Variants in PARG observed in about 807,000 individuals in gnomAD.
PARG encodes the protein mitochondrial poly(ADP-ribose) glycohydrolase.
PARG carries 35 observed loss-of-function variants against 113.0 expected under a neutral mutation model. That is an observed-to-expected ratio of 0.31 (90% CI 0.24 to 0.41). The LOEUF is 0.41. PARG is among the 10% of genes least tolerant of loss of function. The pLI is 1.00. For synonymous variants in PARG, 330 were observed against 409.9 expected (o/e 0.81, Z 2.36); for missense variants, 797 against 1,169.4 (o/e 0.68, Z 4.64).
intron 9 of PARG, among the ~76,000 whole-genome samples, chr10:49,878,307 A>G (rs1468459530): frequency 1.2e-4 from 18 of 145,172 alleles, no homozygotes; most frequent in South Asian, 4.9e-4. Context: ...TGGAACAGAA[A>G]AAGGATACTA....
intron 10 of PARG, among the ~76,000 whole-genome samples, chr10:49,865,751 A>T (rs1436157420): frequency 6.6e-6 from 1 of 150,974 alleles, no homozygotes; most frequent in Admixed American, 6.6e-5. Flanking sequence ...TATAACTGGT[A>T]CAGCTAATGC....
At chr10:49,826,149 C>A (rs967915034) in intron 16 of PARG, among the ~76,000 whole-genome samples, 2 of 152,140 alleles carry the variant, frequency 1.3e-5, no homozygotes, top group Admixed American at 1.3e-4. Context: ...GCTCCAGACA[C>A]CTTTGAATGC....
At chr10:49,931,404 G>A (rs1554909706) in intron 4 of PARG, among the ~76,000 whole-genome samples, 1 of 151,920 alleles carries the variant, frequency 6.6e-6, no homozygotes. Context: ...ATTCTGACCC[G>A]CCCTAAACTG....
At chr10:49,831,406 TTGTAAC>T (rs1257778159) in intron 16 of PARG, among the ~76,000 whole-genome samples, 5 of 152,206 alleles carry the variant, frequency 3.3e-5, no homozygotes, top group Non-Finnish European at 5.9e-5. Flanking sequence ...GCTTGTTACT[TTGTAAC>T]TGTGGTATAA....
chr10:49,917,926 T>C (rs1321935589), intron 6 of PARG, among the ~76,000 whole-genome samples: 1 of 152,096 alleles, frequency 6.6e-6, no homozygotes, highest in Non-Finnish European at 1.5e-5. Context: ...AATAGAAATG[T>C]GTATCAATAG....
intron 4 of PARG, 89 bp downstream of exon 4, chr10:49,932,003 GAACTTTCT>G (rs1838511560): frequency 1.4e-6 from 1 of 722,588 alleles, no homozygotes; most frequent in East Asian, 2.7e-5. Context: ...GAAAACAGAA[GAACTTTCT>G]AAGCCTTGGT....
At chr10:49,859,924 T>C (rs1846176867) in intron 12 of PARG, among the ~76,000 whole-genome samples, 2 of 152,118 alleles carry the variant, frequency 1.3e-5, no homozygotes, top group African/African-American at 4.8e-5. Flanking sequence ...GCATCCTTAT[T>C]TTTAGCCAGT....
At chr10:49,934,556 A>G (rs1838653316) in intron 2 of PARG, among the ~76,000 whole-genome samples, 1 of 152,042 alleles carries the variant, frequency 6.6e-6, no homozygotes, top group African/African-American at 2.4e-5. Context: ...AAGTATCTTA[A>G]AGACACAGAC....
At chr10:49,883,073 C>G (rs1166025261) in intron 8 of PARG, among the ~76,000 whole-genome samples, 2 of 152,108 alleles carry the variant, frequency 1.3e-5, no homozygotes, top group Non-Finnish European at 2.9e-5. Context: ...AAACTTATTT[C>G]AGGCACAATG....
intron 7 of PARG, among the ~76,000 whole-genome samples, chr10:49,886,377 CAAAG>C (rs1443909588): frequency 6.6e-6 from 1 of 152,164 alleles, no homozygotes; most frequent in African/African-American, 2.4e-5. Flanking sequence ...GAAAAAGTAA[CAAAG>C]AATATTTGCC....
intron 4 of PARG, among the ~76,000 whole-genome samples, chr10:49,927,353 A>G (rs1272063984): frequency 0.03 from 3,731 of 125,692 alleles, 42 homozygotes; most frequent in African/African-American, 0.062. Flanking sequence ...AAGGAAGGAA[A>G]GAAAGAAGGA....
chr10:49,888,207 A>T (rs1847592074), intron 7 of PARG, among the ~76,000 whole-genome samples: 1 of 152,068 alleles, frequency 6.6e-6, no homozygotes, highest in Non-Finnish European at 1.5e-5. Flanking sequence ...ATACATTGAT[A>T]ACTATACTAT....
intron 7 of PARG, among the ~76,000 whole-genome samples, chr10:49,889,300 T>C (rs1367946980): frequency 6.6e-6 from 1 of 152,184 alleles, no homozygotes; most frequent in African/African-American, 2.4e-5. Flanking sequence ...AATCTTTAGA[T>C]CTTATTTAAA....
At chr10:49,935,657 G>C (rs1181220249) in intron 1 of PARG, among the ~76,000 whole-genome samples, 1 of 152,164 alleles carries the variant, frequency 6.6e-6, no homozygotes, top group Non-Finnish European at 1.5e-5. Context: ...CACTACTTCA[G>C]TGAACAGGAG....
chr10:49,896,497 C>T (rs1231540267), intron 7 of PARG, among the ~76,000 whole-genome samples: 1 of 152,172 alleles, frequency 6.6e-6, no homozygotes, highest in Admixed American at 6.5e-5. Flanking sequence ...GTTGGCCAGG[C>T]TGGCCTCGAA....
At chr10:49,821,288 A>T (rs1221845856) in intron 16 of PARG, among the ~76,000 whole-genome samples, 1 of 152,212 alleles carries the variant, frequency 6.6e-6, no homozygotes, top group African/African-American at 2.4e-5. Context: ...ATAACCACAA[A>T]ATTGAATACA....
intron 12 of PARG, among the ~76,000 whole-genome samples, chr10:49,858,438 T>G: frequency 7.1e-6 from 1 of 140,602 alleles, no homozygotes; most frequent in African/African-American, 2.7e-5. Flanking sequence ...GAGGCTTATA[T>G]TCTTTCAAAC....
At chr10:49,912,431 G>A (rs1354631826) in intron 7 of PARG, among the ~76,000 whole-genome samples, 2 of 152,172 alleles carry the variant, frequency 1.3e-5, no homozygotes, top group Middle Eastern at 6.3e-3. Flanking sequence ...TTGGGAGGCC[G>A]AGGCGGGCAG....
chr10:49,931,863 GA>G (rs1219156487), intron 4 of PARG, among the ~76,000 whole-genome samples: 1,677 of 151,354 alleles, frequency 0.011, 1 homozygote, highest in African/African-American at 0.037. Context: ...AAAAATACTG[GA>G]AAAAAAAAAT....
Sources: gnomAD v4.1 joint callset for allele counts (sites outside exome capture counted in the v4.1 genomes callset) on GRCh38, gnomAD v4.1.1 for gene constraint, MANE v1.5 for transcripts, NCBI Gene and HGNC (gene_info 2026-07-23, HGNC 2026-07-21) for gene names.